Variants in CCSER1 observed in about 807,000 individuals in gnomAD.
CCSER1 encodes the protein serine-rich coiled-coil domain-containing protein 1.
In CCSER1, 41 loss-of-function variants were observed where a neutral mutation model predicts 82.0. The ratio of observed to expected loss-of-function variants is 0.50; its 90% CI spans 0.39 to 0.65. The LOEUF (loss-of-function observed/expected upper bound fraction) is 0.65, where lower values mean the gene tolerates loss of function less well. Ranked by LOEUF, CCSER1 falls within the 30% of genes least tolerant of loss-of-function variation. CCSER1 has a pLI of 0.00. For missense variants in CCSER1, 1,119 were observed against 1,064.2 expected (o/e 1.05, Z -0.72); for synonymous variants, 414 against 383.9 (o/e 1.08, Z -0.92).
chr4:91,603,590 G>A lies in CCSER1; in HGVS notation c.*4533G>A, dbSNP rs1440933634. 1.3e-5 allele frequency: 2 copies of A among 152,088 alleles called. No homozygotes were observed. The highest frequency in any genetic ancestry group is 2.9e-5 in the Non-Finnish European group (2 of 68,000). The allele number at this position is 152,088 out of a possible 1,614,324, so 9.4% of individuals were successfully genotyped here. ...CACGGTTCTTTTTAGAGCATTTTCAGTGTAGCCTCATTAACTTCTCCAATT... is the reference window on the plus strand; with the variant it reads ...CACGGTTCTTTTTAGAGCATTTTCAATGTAGCCTCATTAACTTCTCCAATT... On this transcript the variant is annotated 3_prime_UTR_variant, in exon 11 of 11. Coordinates refer to ENST00000509176, the MANE Select transcript of CCSER1 (RefSeq NM_001145065.2).
chr4:90,364,294 A>C (rs1470078105), intron 3 of CCSER1, among the ~76,000 whole-genome samples: 1 of 151,948 alleles, frequency 6.6e-6, no homozygotes, highest in Non-Finnish European at 1.5e-5. Flanking sequence ...GTCTCCCTCT[A>C]CTCACATTTT....
intron 6 of CCSER1, among the ~76,000 whole-genome samples, chr4:90,647,892 T>C (rs768113687): frequency 9.2e-5 from 14 of 152,156 alleles, no homozygotes; most frequent in Admixed American, 2.0e-4. Context: ...ATTTGGCTTA[T>C]ACGTTATGTG....
At chr4:90,408,498 C>T (rs528296192) in intron 4 of CCSER1, among the ~76,000 whole-genome samples, 217 of 152,318 alleles carry the variant, frequency 1.4e-3, no homozygotes, top group African/African-American at 5.0e-3. Flanking sequence ...TCTGCAGCCA[C>T]CACTGCTGAT....
chr4:91,187,113 G>A (rs1734617876), intron 10 of CCSER1, among the ~76,000 whole-genome samples: 2 of 152,196 alleles, frequency 1.3e-5, no homozygotes, highest in Non-Finnish European at 2.9e-5. Context: ...CTTCCCAGGT[G>A]AGGTGATGCC....
At chr4:90,682,386 A>G (rs1734048298) in intron 6 of CCSER1, among the ~76,000 whole-genome samples, 1 of 151,980 alleles carries the variant, frequency 6.6e-6, no homozygotes, top group South Asian at 2.1e-4. Context: ...TTTACCAGAT[A>G]TAGTATATCA....
At chr4:90,837,391 C>G (rs1304097052) in intron 8 of CCSER1, among the ~76,000 whole-genome samples, 4 of 152,150 alleles carry the variant, frequency 2.6e-5, no homozygotes, top group Admixed American at 2.6e-4. Context: ...TTTTATGTCC[C>G]TTTGTTTTGC....
chr4:90,846,266 A>T (rs1057500533), intron 8 of CCSER1, among the ~76,000 whole-genome samples: 4 of 152,168 alleles, frequency 2.6e-5, no homozygotes, highest in South Asian at 4.1e-4. Flanking sequence ...GAGTTAAATT[A>T]CTCCATCTTA....
chr4:90,973,886 C>T (rs1468504257), intron 9 of CCSER1, among the ~76,000 whole-genome samples: 1 of 151,368 alleles, frequency 6.6e-6, no homozygotes, highest in East Asian at 1.9e-4. Context: ...AGAAGAAAAT[C>T]CTGTCATTGT....
At chr4:90,327,315 T>C (rs1738403802) in intron 3 of CCSER1, among the ~76,000 whole-genome samples, 1 of 152,140 alleles carries the variant, frequency 6.6e-6, no homozygotes, top group Admixed American at 6.5e-5. Context: ...TGTTTTCTCA[T>C]TTCTTCTAAG....
chr4:91,057,404 C>T (rs982771626), intron 9 of CCSER1, among the ~76,000 whole-genome samples: 2 of 152,050 alleles, frequency 1.3e-5, no homozygotes, highest in East Asian at 1.9e-4. Context: ...ACCCCTTTGT[C>T]GTTCCAGAAT....
intron 10 of CCSER1, among the ~76,000 whole-genome samples, chr4:91,298,148 G>A (rs1744366607): frequency 6.6e-6 from 1 of 151,978 alleles, no homozygotes; most frequent in Non-Finnish European, 1.5e-5. Flanking sequence ...CAGTAAAGGG[G>A]CTATCAAGTA....
chr4:90,411,648 A>G (rs905265679), intron 4 of CCSER1, among the ~76,000 whole-genome samples: 1 of 152,216 alleles, frequency 6.6e-6, no homozygotes, highest in African/African-American at 2.4e-5. Context: ...ATCTATGACA[A>G]ACCCACAGCC....
intron 10 of CCSER1, among the ~76,000 whole-genome samples, chr4:91,440,847 T>C (rs1298430900): frequency 1.3e-5 from 2 of 152,130 alleles, no homozygotes; most frequent in African/African-American, 2.4e-5. Flanking sequence ...AACACCTCTA[T>C]GCAAGTAAAC....
intron 10 of CCSER1, among the ~76,000 whole-genome samples, chr4:91,476,296 C>A (rs761801236): frequency 6.6e-6 from 1 of 151,702 alleles, no homozygotes; most frequent in African/African-American, 2.4e-5. Flanking sequence ...TCCTTGCAAG[C>A]ATTATTTTCT....
chr4:90,534,613 G>C (rs534568629), intron 5 of CCSER1, among the ~76,000 whole-genome samples: 17 of 152,098 alleles, frequency 1.1e-4, no homozygotes, highest in Non-Finnish European at 2.4e-4. Flanking sequence ...TGCTCACACA[G>C]AGATACATAA....
At chr4:90,768,099 T>C (rs1021363207) in intron 7 of CCSER1, among the ~76,000 whole-genome samples, 9 of 152,216 alleles carry the variant, frequency 5.9e-5, no homozygotes, top group African/African-American at 1.7e-4. Flanking sequence ...GTTGTCACTT[T>C]CATGATTAGT....
At position 90,400,046 on chromosome 4, in the gene CCSER1, A is replaced by G. The variant is rs1428240027; in HGVS notation, c.1520A>G (p.Asn507Ser). 1 of 1,598,452 alleles carries G rather than the reference A, an allele frequency of 6.3e-7. No homozygotes were observed. Among genetic ancestry groups the G allele is most frequent in the East Asian group, 2.2e-5 (1 of 44,654 alleles). Reference protein sequence around the residue: ...SSKMNSLDVLNNLGSCELDED... With the variant: ...SSKMNSLDVLSNLGSCELDED... The stretch of plus-strand genomic sequence containing the variant: ...TTGATTTTTCTTCAGGATGTTTTGA[A>G]TAATTTGGGATCTTGTGAACTGGAT... Residue 507 changes from asparagine (N) to serine (S), a missense_variant, in exon 4 of 11, where the codon AAT becomes AGT. Transcript: ENST00000509176.
chr4:90,529,130 C>T (rs1774164053), intron 5 of CCSER1, among the ~76,000 whole-genome samples: 1 of 152,064 alleles, frequency 6.6e-6, no homozygotes, highest in African/African-American at 2.4e-5. Context: ...AATCCTCTTT[C>T]TTCCAGATTT....
chr4:91,404,458 T>G (rs896847312), intron 10 of CCSER1, among the ~76,000 whole-genome samples: 6 of 152,204 alleles, frequency 3.9e-5, no homozygotes, highest in Non-Finnish European at 7.3e-5. Flanking sequence ...TGTTTGCTCT[T>G]GCTTCTCTAG....
Sources: allele counts gnomAD v4.1 joint callset (sites outside exome capture counted in the v4.1 genomes callset), GRCh38; gene constraint gnomAD v4.1.1; transcripts MANE v1.5; gene names NCBI Gene and HGNC (gene_info 2026-07-23, HGNC 2026-07-21).